CSPG4: variants seen among roughly 807,000 people sequenced by gnomAD.
CSPG4 encodes the protein chondroitin sulfate proteoglycan 4.
Under a neutral mutation model 139.3 loss-of-function variants are expected in CSPG4, and 74 were observed. That is an observed-to-expected ratio of 0.53 (90% CI 0.44 to 0.64). The LOEUF (loss-of-function observed/expected upper bound fraction) is 0.64, where lower values mean the gene tolerates loss of function less well. CSPG4 is among the 30% of genes least tolerant of loss of function. The pLI is 0.00. For synonymous variants in CSPG4, 1,234 were observed against 1,394.2 expected (o/e 0.89, Z 2.56); for missense variants, 2,565 against 3,148.3 (o/e 0.81, Z 4.43).
At chr15:75,705,495 T>C (rs1566978111) in intron 1 of CSPG4, among the ~76,000 whole-genome samples, 1 of 152,248 alleles carries the variant, frequency 6.6e-6, no homozygotes, top group Non-Finnish European at 1.5e-5. Context: ...CCAGGCAAAG[T>C]GTCTTGCTTA....
Position 75,688,290 on chromosome 15 carries a change from C to A in CSPG4, c.2775G>T (p.Lys925Asn). ...GVLSADHLFV[K>N]SLNSASYLYE... ...AGAGGTAGCTGGCACTGTTGAGACT[C>A]TTGACAAAGAGGTGGTCAGCAGAGA... The change falls in exon 3 of 10, where the codon AAG becomes AAT. Residue 925 changes from lysine (K) to asparagine (N), a missense_variant. Physicochemically the swap from Lys to Asn is moderately conservative, Grantham distance 94 (BLOSUM62 0). Around this residue, in one of 5 missense-constraint regions of CSPG4, gnomAD observed 2,316 missense variants for 2,818.2 expected, o/e 0.82. Transcript: ENST00000308508. 1.2e-6 allele frequency: 2 copies of A among 1,613,112 alleles called. No homozygotes were observed. Among genetic ancestry groups the A allele is most frequent in the Non-Finnish European group, 1.7e-6 (2 of 1,180,038 alleles).
intron 1 of CSPG4, among the ~76,000 whole-genome samples, chr15:75,708,956 A>G (rs1894409396): frequency 6.6e-6 from 1 of 152,128 alleles, no homozygotes; most frequent in African/African-American, 2.4e-5. Context: ...TGGGAGGTTG[A>G]GGCTGCAGTG....
rs757996529 is a variant in CSPG4, at chr15:75,687,833, T to A, written c.3232A>T (p.Ile1078Phe). The change falls in exon 3 of 10, where the codon ATC (isoleucine) becomes TTC (phenylalanine). Residue 1078 changes from isoleucine to phenylalanine, a missense_variant. By Grantham distance (21) the Ile-to-Phe change is conservative. Coordinates refer to ENST00000308508, the MANE Select transcript of CSPG4 (RefSeq NM_001897.5). The surrounding 1 kb of genome is among the most constrained non-coding windows in gnomAD (Gnocchi z 5.4). Reference sequence around the variant, plus strand: ...AGGTCCTCCTGGGTGAAGCGGTAGATGGGCCGCGTGGGCTCATCTACGGCC... The same window carrying A: ...AGGTCCTCCTGGGTGAAGCGGTAGAAGGGCCGCGTGGGCTCATCTACGGCC... ...IVAVDEPTRP[I>F]YRFTQEDLRK... 8.1e-6 allele frequency: 13 copies of A among 1,612,848 alleles called. No homozygotes were observed. In the Admixed American group the frequency reaches 2.2e-4, roughly 27 times the overall value.
Position 75,693,058 on chromosome 15 carries a change from G to T in CSPG4, c.252+12C>A. ...CCGAATCCCGCCCAGATCTCAGGGG[G>T]ACGTCACTCACCTGCAGGCGTCCAG... On this transcript the variant is annotated intron_variant, in intron 2 of 9. Coordinates refer to ENST00000308508, the MANE Select transcript of CSPG4 (RefSeq NM_001897.5). The T allele has an allele frequency of 1.5e-6, 2 of 1,327,768 alleles. No homozygotes were observed. Among genetic ancestry groups the T allele is most frequent in the Non-Finnish European group, 1.1e-6 (1 of 946,892 alleles). The allele number at this position is 1,327,768 out of a possible 1,614,324, so 82.2% of individuals were successfully genotyped here. A position where few individuals can be genotyped will look rare whatever the true frequency, so the allele number is the denominator to read the frequency against.
chr15:75,690,723 C>CA lies in CSPG4; in HGVS notation c.341dup (p.Thr115AspfsTer76), dbSNP rs1356337297. On this transcript the variant is annotated frameshift_variant, in exon 3 of 10. Transcript: ENST00000308508. LOFTEE classifies it high-confidence loss of function. ...ACGTGGCCCAGCCCTCTACGACAGT[C>CA]AGCACCACAGTGTGGGGGATGGAGT... is the stretch of plus-strand genomic sequence containing the variant. 1 of 1,613,098 alleles carries CA rather than the reference C, an allele frequency of 6.2e-7. No homozygotes were observed. The highest frequency in any genetic ancestry group is 8.5e-7 in the Non-Finnish European group (1 of 1,180,040).
At chr15:75,677,638 C>A in intron 9 of CSPG4, 65 bp downstream of exon 9, 2 of 1,503,328 alleles carry the variant, frequency 1.3e-6, no homozygotes, top group South Asian at 2.6e-5. Context: ...GGCCTCGTGT[C>A]CCCTCCTCCT....
Position 75,682,594 on chromosome 15 carries a change from T to C in CSPG4, c.4783+13A>G, listed in dbSNP as rs1459463629. On this transcript the variant is annotated intron_variant, in intron 7 of 9. Coordinates refer to ENST00000308508, the MANE Select transcript of CSPG4 (RefSeq NM_001897.5). Reference sequence around the variant, plus strand: ...TCCTGGCACCCAGGAATGCCCATGATCAGCACACCCACCTGGGCAGACAGT... The same window carrying C: ...TCCTGGCACCCAGGAATGCCCATGACCAGCACACCCACCTGGGCAGACAGT... 3 of 1,612,444 alleles carry C rather than the reference T, an allele frequency of 1.9e-6. No individual in the cohort carries two copies. Among genetic ancestry groups the C allele is most frequent in the South Asian group, 2.2e-5 (2 of 91,070 alleles).
At position 75,675,855 on chromosome 15, in the gene CSPG4, T is replaced by C. The variant is rs777838630; in HGVS notation, c.6664A>G (p.Met2222Val). 2.5e-6 allele frequency: 4 copies of C among 1,610,458 alleles called. No homozygotes were observed. The highest frequency in any genetic ancestry group is 3.3e-5 in the Admixed American group (2 of 60,028). Residue 2222 changes from methionine (M) to valine (V), a missense_variant, in exon 10 of 10, where the codon ATG becomes GTG. Around this residue, in one of 5 missense-constraint regions of CSPG4, gnomAD observed 2,316 missense variants for 2,818.2 expected, o/e 0.82. Transcript: ENST00000308508. ...GGFLSFLEAN[M>V]FSVIIPMCLV... ...CACATGGGGATGATGACGCTGAACA[T>C]GTTGGCCTCAAGGAAGCTCAGGAAG...
At position 75,675,664 on chromosome 15, in the gene CSPG4, C is replaced by A. The variant is rs780637386; in HGVS notation, c.6855G>T (p.Pro2285=). The A allele has an allele frequency of 6.5e-7, 1 of 1,538,380 alleles. No homozygotes were observed. The highest frequency in any genetic ancestry group is 8.8e-7 in the Non-Finnish European group (1 of 1,141,114). ...FRKVEPGQAI[P]LTAVPGQGPP... ...GCCCCTGGCCAGGCACAGCTGTGAGCGGGATGGCCTGGCCTGGCTCCACCT... is the reference window on the plus strand; with the variant it reads ...GCCCCTGGCCAGGCACAGCTGTGAGAGGGATGGCCTGGCCTGGCTCCACCT... The change falls in exon 10 of 10, where the codon CCG becomes CCT. Residue 2285 remains proline, a synonymous_variant. Transcript: ENST00000308508.
At chr15:75,703,535 G>A (rs558455151) in intron 1 of CSPG4, among the ~76,000 whole-genome samples, 23 of 152,188 alleles carry the variant, frequency 1.5e-4, no homozygotes, top group South Asian at 1.0e-3. Flanking sequence ...CTCCGTTCCC[G>A]GCAGTCTCCA....
In CSPG4 at chr15:75,675,567, C is replaced by G; in HGVS notation, c.6952G>C (p.Gly2318Arg). 6.6e-7 allele frequency: 1 copy of G among 1,508,108 alleles called. No homozygotes were observed. The highest frequency in any genetic ancestry group is 8.9e-7 in the Non-Finnish European group (1 of 1,128,422). 93.4% of individuals were successfully genotyped at this position (1,508,108 alleles called of 1,614,324 possible). The change falls in exon 10 of 10, where the codon GGC becomes CGC. Residue 2318 changes from glycine (G) to arginine (R), a missense_variant. Coordinates refer to ENST00000308508, the MANE Select transcript of CSPG4 (RefSeq NM_001897.5). The part of the protein sequence containing the change: ...CRTPNPALKN[G>R]QYWV The stretch of plus-strand genomic sequence containing the variant: ...GCCAGGCCTCACACCCAGTACTGGC[C>G]ATTCTTAAGGGCAGGGTTGGGTGTC...
At position 75,712,716 on chromosome 15, in the gene CSPG4, G is replaced by A. The variant is rs1485349583; in HGVS notation, c.40C>T (p.Leu14=). 4.5e-6 allele frequency: 7 copies of A among 1,563,192 alleles called. No individual in the cohort carries two copies. The highest frequency in any genetic ancestry group is 6.1e-6 in the Non-Finnish European group (7 of 1,154,476). ...GPRPPLPAPG[L]ALALTLTMLA... The stretch of plus-strand genomic sequence containing the variant: ...ATAGTCAGGGTCAAAGCCAAGGCCA[G>A]GCCGGGGGCTGGAAGTGGGGGCCGC... Residue 14 remains leucine (L), a synonymous_variant, in exon 1 of 10, where the codon CTG becomes TTG. Coordinates refer to ENST00000308508, the MANE Select transcript of CSPG4 (RefSeq NM_001897.5).
At chr15:75,683,137 G>A (rs1183137412) in intron 5 of CSPG4, 96 bp from the exon 6 acceptor site, 50 of 1,264,414 alleles carry the variant, frequency 4.0e-5, no homozygotes, top group Middle Eastern at 2.7e-4. Context: ...GTCCTGCTGC[G>A]GCTCAGCCCC....
intron 3 of CSPG4, among the ~76,000 whole-genome samples, chr15:75,686,609 G>T (rs1185322542): frequency 6.6e-6 from 1 of 152,176 alleles, no homozygotes; most frequent in Admixed American, 6.5e-5. Flanking sequence ...TTCAGAGCCC[G>T]GCCCAAACGC....
In CSPG4 at chr15:75,689,060, T is replaced by C; in HGVS notation, c.2005A>G (p.Thr669Ala). ...GAGCCTTGGGCCAGTCGCAACCCTG[T>C]GCTGCGGTGGATCTGTATGGCCGGC... Reference protein sequence around the residue: ...IRPAIQIHRSTGLRLAQGSAM... With the variant: ...IRPAIQIHRSAGLRLAQGSAM... Residue 669 changes from threonine (T) to alanine (A), a missense_variant, in exon 3 of 10, where the codon ACA becomes GCA. This residue lies in a region of CSPG4 where 2,316 missense variants were observed against 2,818.2 expected (regional missense o/e 0.82). Transcript: ENST00000308508. The C allele has an allele frequency of 1.2e-6, 2 of 1,610,784 alleles. No homozygotes were observed. The highest frequency in any genetic ancestry group is 1.1e-5 in the South Asian group (1 of 90,972).
intron 2 of CSPG4, among the ~76,000 whole-genome samples, chr15:75,691,294 C>T (rs548902709): frequency 1.4e-3 from 216 of 152,384 alleles, no homozygotes; most frequent in African/African-American, 4.9e-3. Flanking sequence ...CTTTATTCAT[C>T]CTCCAAACAC....
At chr15:75,683,826 C>A (rs1894014162) in intron 5 of CSPG4, among the ~76,000 whole-genome samples, 1 of 152,228 alleles carries the variant, frequency 6.6e-6, no homozygotes, top group African/African-American at 2.4e-5. Context: ...AGGCCCAGCC[C>A]TGGCAGGAGG....
At position 75,693,052 on chromosome 15, in the gene CSPG4, C is replaced by T. The variant is rs111851998; in HGVS notation, c.252+18G>A. ...CCCACCCCGAATCCCGCCCAGATCT[C>T]AGGGGGACGTCACTCACCTGCAGGC... On this transcript the variant is annotated intron_variant, in intron 2 of 9. Coordinates refer to ENST00000308508, the MANE Select transcript of CSPG4 (RefSeq NM_001897.5). 16,484 of 1,258,820 alleles carry T rather than the reference C, an allele frequency of 0.013. No homozygotes were observed. The African/African-American group carries it at 0.15, about 12-fold the overall frequency. The allele number at this position is 1,258,820 out of a possible 1,614,324, so 78.0% of individuals were successfully genotyped here.
rs1204395203 is a variant in CSPG4, at chr15:75,675,102, C to T, written c.*448G>A. The T allele has an allele frequency of 2.0e-5, 7 of 343,272 alleles. No homozygotes were observed. Among genetic ancestry groups the T allele is most frequent in the Admixed American group, 9.6e-5 (2 of 20,882 alleles). 21.3% of individuals were successfully genotyped at this position (343,272 alleles called of 1,614,324 possible). A position where few individuals can be genotyped will look rare whatever the true frequency, so the allele number is the denominator to read the frequency against. ...ACTCTGGGGCAGAGACAAAGGGTGG[C>T]CTGGGTTGGAGTGGAAAAGCCAGGA... On this transcript the variant is annotated 3_prime_UTR_variant, in exon 10 of 10. Transcript: ENST00000308508.
Sources: allele counts gnomAD v4.1 joint callset (sites outside exome capture counted in the v4.1 genomes callset), GRCh38; gene constraint gnomAD v4.1.1; regional missense constraint gnomAD v4.1.1; non-coding constraint Gnocchi (gnomAD v3.1); transcripts MANE v1.5; gene names NCBI Gene and HGNC (gene_info 2026-07-23, HGNC 2026-07-21).